The following TRDN variants were observed in gnomAD, a reference collection of about 807,000 sequenced individuals.
The protein encoded by TRDN is triadin in skeletal muscle.
In TRDN, 161 loss-of-function variants were observed where a neutral mutation model predicts 149.7. The ratio of observed to expected loss-of-function variants is 1.08; its 90% CI spans 0.95 to 1.23. TRDN has a LOEUF of 1.23. TRDN is among the 50% of genes most tolerant of loss of function. The probability of loss-of-function intolerance (pLI) is 0.00; values close to 1 mark genes in which losing one functional copy is unlikely to be tolerated. For missense variants in TRDN, 896 were observed against 823.5 expected (o/e 1.09, Z -1.08); for synonymous variants, 294 against 250.5 (o/e 1.17, Z -1.64).
chr6:123,407,631 T>A (rs1773249914), intron 12 of TRDN, among the ~76,000 whole-genome samples: 1 of 152,250 alleles, frequency 6.6e-6, no homozygotes, highest in South Asian at 2.1e-4. Flanking sequence ...TCTCTGTGAC[T>A]ATGGACAATA....
At chr6:123,476,685 C>A (rs1432079419) in intron 9 of TRDN, among the ~76,000 whole-genome samples, 1 of 147,090 alleles carries the variant, frequency 6.8e-6, no homozygotes, top group African/African-American at 2.5e-5. Context: ...GTAACCAAAA[C>A]AGCATGGTAC....
chr6:123,622,756 C>T (rs914687470), intron 1 of TRDN, among the ~76,000 whole-genome samples: 6 of 151,954 alleles, frequency 3.9e-5, no homozygotes, highest in Non-Finnish European at 5.9e-5. Flanking sequence ...TCAGTATTAC[C>T]TAACAACTTA....
chr6:123,568,655 ATCTGCACCTGTGGCCTTTT>A (rs1176495363), intron 2 of TRDN, among the ~76,000 whole-genome samples: 1 of 152,158 alleles, frequency 6.6e-6, no homozygotes. Context: ...TGGGAGCCTG[ATCTGCACCTGTGGCCTTTT>A]AAGCCACAGC....
At chr6:123,264,034 G>A (rs1017985070) in intron 33 of TRDN, among the ~76,000 whole-genome samples, 4 of 152,014 alleles carry the variant, frequency 2.6e-5, no homozygotes, top group Non-Finnish European at 4.4e-5. Flanking sequence ...AGCTGTACGA[G>A]GAGATTAATA....
intron 2 of TRDN, among the ~76,000 whole-genome samples, chr6:123,563,145 T>G (rs1054764011): frequency 4.6e-5 from 7 of 152,320 alleles, no homozygotes; most frequent in Non-Finnish European, 1.0e-4. Flanking sequence ...AAAACTAAGT[T>G]TACTGATACT....
At chr6:123,265,194 T>C in intron 33 of TRDN, 124 bp downstream of exon 33, 1 of 684,848 alleles carries the variant, frequency 1.5e-6, no homozygotes, top group Non-Finnish European at 2.3e-6. Context: ...TATATGGTAA[T>C]AGTATAATGG....
At chr6:123,459,727 A>G (rs1776341624) in intron 10 of TRDN, among the ~76,000 whole-genome samples, 2 of 152,188 alleles carry the variant, frequency 1.3e-5, no homozygotes, top group Admixed American at 1.3e-4. Context: ...CTTATTCTTA[A>G]TGCCATTCAA....
chr6:123,273,773 G>A (rs1000485380), intron 27 of TRDN, among the ~76,000 whole-genome samples: 2 of 151,952 alleles, frequency 1.3e-5, no homozygotes, highest in African/African-American at 2.4e-5. Context: ...TTGATTTGTT[G>A]ATATTGAAGA....
At chr6:123,236,632 TAGC>T (rs1775797918) in intron 38 of TRDN, among the ~76,000 whole-genome samples, 1 of 152,176 alleles carries the variant, frequency 6.6e-6, no homozygotes, top group Non-Finnish European at 1.5e-5. Flanking sequence ...GAGGTTAAGA[TAGC>T]AGTTTATTTT....
In TRDN at chr6:123,584,640, TG is replaced by T. The variant is rs555452849; in HGVS notation, c.23-13509del. 7.7e-3 allele frequency among the ~76,000 whole-genome samples: 1,175 copies of T among 152,186 alleles called. 11 individuals carry two copies. The highest frequency in any genetic ancestry group is 0.027 in the African/African-American group (1,111 of 41,512). The stretch of plus-strand genomic sequence containing the variant: ...TGAAATTTGGGCTTGACTGAAGTAA[TG>T]GGGGCTGTCTGTGAAGCCTTGCGGC... On this transcript the variant is annotated intron_variant, in intron 1 of 40. Transcript: ENST00000334268.
intron 2 of TRDN, among the ~76,000 whole-genome samples, chr6:123,551,368 C>T (rs868627233): frequency 4.4e-5 from 5 of 114,574 alleles, no homozygotes; most frequent in Admixed American, 3.6e-4. Flanking sequence ...CACACACACA[C>T]ACACACACAC....
intron 9 of TRDN, among the ~76,000 whole-genome samples, chr6:123,469,143 G>A (rs1354823063): frequency 6.6e-6 from 1 of 152,100 alleles, no homozygotes; most frequent in Non-Finnish European, 1.5e-5. Context: ...CTTATGTATT[G>A]GTATAAGTTT....
chr6:123,350,311 T>C (rs1780411165), intron 21 of TRDN: 2 of 951,858 alleles, frequency 2.1e-6, no homozygotes, highest in Non-Finnish European at 2.5e-6. Flanking sequence ...AGTATTTAAG[T>C]CCAGAGATTC....
At position 123,257,032 on chromosome 6, in the gene TRDN, G is replaced by T. The variant is rs556844518; in HGVS notation, c.1871-1130C>A. Among the ~76,000 whole-genome samples the T allele has an allele frequency of 1.2e-3, 173 of 149,812 alleles. 1 individual carries two copies. Among genetic ancestry groups the T allele is most frequent in the Non-Finnish European group, 1.9e-3 (128 of 67,644 alleles). On this transcript the variant is annotated intron_variant, in intron 35 of 40. Transcript: ENST00000334268. ...AGTCTCACTCTGGCACCAAGCTAGA[G>T]TGCAGTGGCATGATCTTGGCTCACT...
In TRDN at chr6:123,570,942, C is replaced by T. The variant is rs530873859; in HGVS notation, c.213G>A (p.Val71=). Residue 71 remains valine (V), a synonymous_variant, in exon 2 of 41, where the codon GTG becomes GTA. Transcript: ENST00000334268. ...SAVAIVMFDL[V]DYKNFSASSI... ...ACTTACCTGAAAAGTTTTTGTAATCCACTAAATCAAACATAACGATGGCAA... is the reference window on the plus strand; with the variant it reads ...ACTTACCTGAAAAGTTTTTGTAATCTACTAAATCAAACATAACGATGGCAA... The T allele has an allele frequency of 3.7e-6, 6 of 1,613,522 alleles. No individual in the cohort carries two copies. Among genetic ancestry groups the T allele is most frequent in the Non-Finnish European group, 4.2e-6 (5 of 1,179,702 alleles).
intron 12 of TRDN, among the ~76,000 whole-genome samples, chr6:123,435,632 A>C (rs1481823486): frequency 6.6e-6 from 1 of 151,938 alleles, no homozygotes. Flanking sequence ...TTTTATCAGG[A>C]AGTTGAACTG....
chr6:123,376,942 C>T (rs1476009852), intron 18 of TRDN, among the ~76,000 whole-genome samples: 1 of 152,006 alleles, frequency 6.6e-6, no homozygotes, highest in Non-Finnish European at 1.5e-5. Context: ...TAGGAGTTAG[C>T]CAGGCAAAAT....
chr6:123,349,998 G>A (rs1468303506), intron 21 of TRDN: 2 of 985,292 alleles, frequency 2.0e-6, no homozygotes, highest in African/African-American at 3.5e-5. Context: ...ACACAAATTA[G>A]CCCATTTATG....
chr6:123,256,113 C>T (rs1318085400), intron 35 of TRDN, among the ~76,000 whole-genome samples: 3 of 151,992 alleles, frequency 2.0e-5, no homozygotes, highest in African/African-American at 4.8e-5. Context: ...AGAGAGGCCC[C>T]AATGTGTGAT....
Sources: allele counts gnomAD v4.1 joint callset (sites outside exome capture counted in the v4.1 genomes callset), GRCh38; gene constraint gnomAD v4.1.1; transcripts MANE v1.5; gene names NCBI Gene and HGNC (gene_info 2026-07-23, HGNC 2026-07-21).